Variants in EPHB1 observed in about 807,000 individuals in gnomAD.
The protein encoded by EPHB1 is ephrin type-B receptor 1.
Under a neutral mutation model 94.4 loss-of-function variants are expected in EPHB1, and 30 were observed. The ratio of observed to expected loss-of-function variants is 0.32; its 90% CI spans 0.24 to 0.43. The LOEUF (loss-of-function observed/expected upper bound fraction) is 0.43, where lower values mean the gene tolerates loss of function less well. EPHB1 is among the 20% of genes least tolerant of loss of function. The pLI is 1.00. For missense variants in EPHB1, 1,055 were observed against 1,308.3 expected, an observed-to-expected ratio of 0.81 and a Z score of 2.99; for synonymous variants, 522 against 489.1, an observed-to-expected ratio of 1.07 and a Z score of -0.89.
chr3:135,155,175 A>G (rs966820925), intron 6 of EPHB1, among the ~76,000 whole-genome samples: 2 of 152,206 alleles, frequency 1.3e-5, no homozygotes, highest in Middle Eastern at 3.2e-3. Flanking sequence ...TGTGTTAGAA[A>G]ATCAACAGCA....
chr3:134,842,963 A>G (rs1301799980), intron 1 of EPHB1, among the ~76,000 whole-genome samples: 1 of 152,200 alleles, frequency 6.6e-6, no homozygotes, highest in Non-Finnish European at 1.5e-5. Context: ...GACTGTTCAT[A>G]TATTTACCAT....
chr3:134,893,093 A>C (rs764037333), intron 1 of EPHB1, among the ~76,000 whole-genome samples: 5 of 152,228 alleles, frequency 3.3e-5, no homozygotes, highest in Non-Finnish European at 7.3e-5. Context: ...CAAGAATGTA[A>C]GAAGAGATAT....
intron 9 of EPHB1, among the ~76,000 whole-genome samples, chr3:135,170,609 G>A (rs1463765621): frequency 2.0e-5 from 3 of 152,110 alleles, no homozygotes; most frequent in African/African-American, 7.2e-5. Context: ...CTGACTAACA[G>A]TTGCCTGGAT....
chr3:134,893,062 A>C (rs1389863661), intron 1 of EPHB1, among the ~76,000 whole-genome samples: 1 of 152,018 alleles, frequency 6.6e-6, no homozygotes, highest in African/African-American at 2.4e-5. Flanking sequence ...CTCCTCATCC[A>C]TCTGAGAACC....
At chr3:134,883,749 A>C (rs60535603) in intron 1 of EPHB1, among the ~76,000 whole-genome samples, 2,273 of 152,244 alleles carry the variant, frequency 0.015, 47 homozygotes, top group African/African-American at 0.052. Flanking sequence ...GACCTTCCTG[A>C]GTAACCTGTG....
At chr3:134,810,311 A>ATT (rs2036146088) in intron 1 of EPHB1, among the ~76,000 whole-genome samples, 1 of 55,064 alleles carries the variant, frequency 1.8e-5, no homozygotes, top group Non-Finnish European at 3.7e-5. Flanking sequence ...GTGTGTGTGT[A>ATT]TTTATGCAGA....
At chr3:134,822,431 C>T (rs556017067) in intron 1 of EPHB1, among the ~76,000 whole-genome samples, 14 of 151,924 alleles carry the variant, frequency 9.2e-5, no homozygotes, top group Non-Finnish European at 1.5e-4. Context: ...TGTGGTATGC[C>T]GGGTGATGGG....
intron 12 of EPHB1, among the ~76,000 whole-genome samples, chr3:135,203,383 T>G (rs1942808499): frequency 6.6e-6 from 1 of 152,154 alleles, no homozygotes; most frequent in Admixed American, 6.5e-5. Context: ...CTGCATATTC[T>G]GTGTGTGTAT....
At chr3:135,108,832 G>A (rs1939325243) in intron 4 of EPHB1, among the ~76,000 whole-genome samples, 2 of 152,172 alleles carry the variant, frequency 1.3e-5, no homozygotes, top group Admixed American at 6.5e-5. Context: ...TGAGGTGGGA[G>A]CTTAGGGGAT....
intron 4 of EPHB1, among the ~76,000 whole-genome samples, chr3:135,114,823 T>C (rs140543479): frequency 0.01 from 1,554 of 152,182 alleles, 23 homozygotes; most frequent in South Asian, 0.035. Flanking sequence ...TTGATTTTAT[T>C]ACTATTATCA....
rs1576463542 is a variant in EPHB1, at chr3:135,198,945, T to TG, written c.2131-2527dup. Among the ~76,000 whole-genome samples, 3 of 152,236 alleles carry TG rather than the reference T, an allele frequency of 2.0e-5. No homozygotes were observed. The East Asian group carries it at 5.8e-4, about 29-fold the overall frequency. On this transcript the variant is annotated intron_variant, in intron 11 of 15. Transcript: ENST00000398015. ...AATCAGGTCTGCTGGCTCCAAAGCC[T>TG]GGACCTTTCCTCATTTCTTGGTCTT... is the stretch of plus-strand genomic sequence containing the variant.
At chr3:135,053,930 C>T (rs568916734) in intron 3 of EPHB1, among the ~76,000 whole-genome samples, 8 of 151,868 alleles carry the variant, frequency 5.3e-5, no homozygotes, top group Non-Finnish European at 1.2e-4. Context: ...AGTTCAAGGC[C>T]GCAGTAAGCT....
chr3:135,196,346 C>A (rs6763009), intron 11 of EPHB1, among the ~76,000 whole-genome samples: 56,081 of 151,806 alleles, frequency 0.37, 11,027 homozygotes, highest in East Asian at 0.63. Context: ...ACCAGCATTT[C>A]TCATGTTGAT....
At chr3:134,970,704 A>G (rs1933938262) in intron 3 of EPHB1, among the ~76,000 whole-genome samples, 1 of 152,196 alleles carries the variant, frequency 6.6e-6, no homozygotes, top group South Asian at 2.1e-4. Flanking sequence ...ACACGGCTGC[A>G]GAGGTCCACA....
chr3:134,906,794 T>C (rs2038342053), intron 1 of EPHB1, among the ~76,000 whole-genome samples: 1 of 152,206 alleles, frequency 6.6e-6, no homozygotes, highest in Non-Finnish European at 1.5e-5. Flanking sequence ...TGGGTTGGGC[T>C]GGAGGACTTT....
intron 15 of EPHB1, among the ~76,000 whole-genome samples, chr3:135,249,774 C>G (rs1305210592): frequency 6.6e-6 from 1 of 152,190 alleles, no homozygotes; most frequent in Non-Finnish European, 1.5e-5. Context: ...AGTTTTTAAA[C>G]TCAACTCATC....
In EPHB1 at chr3:135,038,611, G is replaced by A. The variant is rs924867482; in HGVS notation, c.806-67837G>A. Among the ~76,000 whole-genome samples, 8 of 152,174 alleles carry A rather than the reference G, an allele frequency of 5.3e-5. No individual in the cohort carries two copies. In the South Asian group the frequency reaches 8.3e-4, roughly 16 times the overall value. Reference sequence around the variant, plus strand: ...GAATGAAGCCGCGGACCCTCGCGGTGAGTGTTACAGCTCTTAAGGTGGCGC... The same window carrying A: ...GAATGAAGCCGCGGACCCTCGCGGTAAGTGTTACAGCTCTTAAGGTGGCGC... On this transcript the variant is annotated intron_variant, in intron 3 of 15. Coordinates refer to ENST00000398015, the MANE Select transcript of EPHB1 (RefSeq NM_004441.5).
chr3:135,032,500 C>T (rs1238822587), intron 3 of EPHB1, among the ~76,000 whole-genome samples: 1 of 152,048 alleles, frequency 6.6e-6, no homozygotes, highest in Non-Finnish European at 1.5e-5. Flanking sequence ...TCTTCTGAAT[C>T]CTCTGTTTGT....
chr3:134,931,649 G>A (rs115647432), intron 2 of EPHB1, among the ~76,000 whole-genome samples: 2,030 of 152,318 alleles, frequency 0.013, 22 homozygotes, highest in Admixed American at 0.02. Flanking sequence ...AAGGAAGTCC[G>A]AAGCCAAGCC....
Sources: allele counts gnomAD v4.1 joint callset (sites outside exome capture counted in the v4.1 genomes callset), GRCh38; gene constraint gnomAD v4.1.1; transcripts MANE v1.5; gene names NCBI Gene and HGNC (gene_info 2026-07-23, HGNC 2026-07-21).